The following PIK3R6 variants were observed in gnomAD, a reference collection of about 807,000 sequenced individuals.
PIK3R6 encodes the protein phosphoinositide-3-kinase regulatory subunit 6.
In PIK3R6, 91 loss-of-function variants were observed where a neutral mutation model predicts 84.9. That is an observed-to-expected ratio of 1.07 (90% confidence interval 0.90 to 1.28). The LOEUF (loss-of-function observed/expected upper bound fraction) is 1.28, where lower values mean the gene tolerates loss of function less well. PIK3R6 is among the 50% of genes most tolerant of loss of function. The pLI is 0.00. For missense variants in PIK3R6, 996 were observed against 985.1 expected, an observed-to-expected ratio of 1.01 and a Z score of -0.15; for synonymous variants, 416 against 411.4, an observed-to-expected ratio of 1.01 and a Z score of -0.13.
At chr17:8,851,452 G>C (rs768754794) in intron 1 of PIK3R6, among the ~76,000 whole-genome samples, 7 of 152,114 alleles carry the variant, frequency 4.6e-5, no homozygotes, top group Non-Finnish European at 8.8e-5. Context: ...AGCCGAGATC[G>C]CGCCACTGCA....
Position 8,839,635 on chromosome 17 carries a change from G to T in PIK3R6, c.76C>A (p.Pro26Thr). ...AVLRELSTQA[P>T]ALQSNQGMWR... Reference sequence around the variant, plus strand: ...TTACCTTGGTTGCTCTGCAGGGCAGGGGCCTGGGTGCTGAGCTCCCGGAGC... The same window carrying T: ...TTACCTTGGTTGCTCTGCAGGGCAGTGGCCTGGGTGCTGAGCTCCCGGAGC... The change falls in exon 3 of 20, where the codon CCT (proline) becomes ACT (threonine). Residue 26 changes from proline (P) to threonine (T), a missense_variant. Coordinates refer to ENST00000619866, the MANE Select transcript of PIK3R6 (RefSeq NM_001010855.4). This position sits in a 1 kb window ranked among gnomAD's most constrained non-coding sequence, Gnocchi z 4.2. The T allele has an allele frequency of 1.3e-6, 2 of 1,576,006 alleles. No individual in the cohort carries two copies. The highest frequency in any genetic ancestry group is 2.3e-5 in the East Asian group (1 of 43,122).
intron 18 of PIK3R6, among the ~76,000 whole-genome samples, 163 bp from the exon 19 acceptor site, chr17:8,804,316 T>C (rs1474910813): frequency 1.3e-5 from 2 of 152,194 alleles, no homozygotes; most frequent in Non-Finnish European, 2.9e-5. Context: ...CACAAACTGC[T>C]TCTAGGCTGC....
In PIK3R6 at chr17:8,862,318, T is replaced by A. The variant is rs116319596; in HGVS notation, c.-92+5211A>T. Among the ~76,000 whole-genome samples the A allele has an allele frequency of 3.7e-3, 570 of 152,306 alleles. 1 individual carries two copies. Among genetic ancestry groups the A allele is most frequent in the African/African-American group, 0.013 (547 of 41,560 alleles). On this transcript the variant is annotated intron_variant, in intron 1 of 19. Transcript: ENST00000619866. The surrounding 1 kb of genome is among the most constrained non-coding windows in gnomAD (Gnocchi z 4.3). Reference sequence around the variant, plus strand: ...AAGGCCCTTGATAAATATGCTCGAATGAATGAATGTCAGGCACTCATATGA... The same window carrying A: ...AAGGCCCTTGATAAATATGCTCGAAAGAATGAATGTCAGGCACTCATATGA...
chr17:8,830,546 T>A (rs1452949551), intron 9 of PIK3R6, among the ~76,000 whole-genome samples: 2 of 152,216 alleles, frequency 1.3e-5, no homozygotes, highest in African/African-American at 4.8e-5. Flanking sequence ...ACTGAGCACC[T>A]ACTGCCTGCC....
At chr17:8,831,101 G>A (rs1477665774) in intron 9 of PIK3R6, among the ~76,000 whole-genome samples, 3 of 137,674 alleles carry the variant, frequency 2.2e-5, no homozygotes, top group Non-Finnish European at 4.6e-5. Context: ...AGCGGAGATT[G>A]AGCCACTGCA....
intron 14 of PIK3R6, 56 bp from the exon 15 acceptor site, chr17:8,823,142 C>T: frequency 7.3e-7 from 1 of 1,367,572 alleles, no homozygotes; most frequent in Admixed American, 1.7e-5. Context: ...ATCACTCTAT[C>T]CCTGATTTCC....
chr17:8,853,328 AC>A (rs2089027026), intron 1 of PIK3R6, among the ~76,000 whole-genome samples: 1 of 149,950 alleles, frequency 6.7e-6, no homozygotes, highest in Admixed American at 6.6e-5. Context: ...TACTAAAAAT[AC>A]AAAAAATTAG....
intron 5 of PIK3R6, 134 bp from the exon 6 acceptor site, chr17:8,837,057 A>C (rs1372531687): frequency 4.4e-6 from 3 of 678,062 alleles, no homozygotes; most frequent in Non-Finnish European, 7.7e-6. Flanking sequence ...CCTAACAGCC[A>C]GACCTGGGCT....
At chr17:8,837,147 C>T (rs1276173030) in intron 5 of PIK3R6, among the ~76,000 whole-genome samples, 4 of 152,162 alleles carry the variant, frequency 2.6e-5, no homozygotes, top group African/African-American at 7.2e-5. Flanking sequence ...CCCGCCCCAA[C>T]TTACCAAGAT....
intron 18 of PIK3R6, among the ~76,000 whole-genome samples, chr17:8,811,329 T>C (rs1282114816): frequency 2.0e-5 from 3 of 148,272 alleles, no homozygotes; most frequent in African/African-American, 7.5e-5. Context: ...GGTCTCAGGG[T>C]CTGTGATGGG....
intron 18 of PIK3R6, among the ~76,000 whole-genome samples, chr17:8,808,337 G>T (rs1335305724): frequency 6.6e-6 from 1 of 151,910 alleles, no homozygotes; most frequent in East Asian, 2.0e-4. Context: ...TGTGGAACCT[G>T]CACATACAAA....
intron 6 of PIK3R6, 51 bp from the exon 7 acceptor site, chr17:8,836,667 T>C (rs548473942): frequency 3.3e-5 from 53 of 1,613,142 alleles, no homozygotes; most frequent in Middle Eastern, 1.6e-4. Flanking sequence ...CTGACTCCCA[T>C]TCTCCACCTT....
rs189158746 is a variant in PIK3R6, at chr17:8,838,133, C to T, written c.190-262G>A. Among the ~76,000 whole-genome samples, 68 of 152,200 alleles carry T rather than the reference C, an allele frequency of 4.5e-4. No individual in the cohort carries two copies. The East Asian group carries it at 0.011, about 25-fold the overall frequency. On this transcript the variant is annotated intron_variant, in intron 4 of 19. Coordinates refer to ENST00000619866, the MANE Select transcript of PIK3R6 (RefSeq NM_001010855.4). ...GGCCAAATTTAATTAGGGTAGGAGTCGCAGCAAAGCAACAAACAAGTCCTC... is the reference window on the plus strand; with the variant it reads ...GGCCAAATTTAATTAGGGTAGGAGTTGCAGCAAAGCAACAAACAAGTCCTC...
intron 2 of PIK3R6, among the ~76,000 whole-genome samples, chr17:8,843,307 C>T (rs988761607): frequency 6.7e-6 from 1 of 148,962 alleles, no homozygotes; most frequent in Non-Finnish European, 1.5e-5. Flanking sequence ...CCCTTCCTTC[C>T]TTTCTTTTTT....
At chr17:8,838,524 CT>C (rs1218272713) in intron 4 of PIK3R6, 39 bp downstream of exon 4, 1 of 1,552,456 alleles carries the variant, frequency 6.4e-7, no homozygotes, top group African/African-American at 1.4e-5. Flanking sequence ...CCCTCTCTTC[CT>C]TTCATCCCCG....
intron 3 of PIK3R6, among the ~76,000 whole-genome samples, chr17:8,838,907 G>A (rs1452489137): frequency 6.6e-6 from 1 of 152,164 alleles, no homozygotes; most frequent in Non-Finnish European, 1.5e-5. Context: ...CACCAGTGGG[G>A]ACAGGTGTGT....
rs559969033 is a variant in PIK3R6, at chr17:8,866,490, C to T, written c.-92+1039G>A. ...CCAGGAGACGGAGGTTGCAGTGAGC[C>T]GAGATCGCACCACTACACTCCAGCC... is the stretch of plus-strand genomic sequence containing the variant. On this transcript the variant is annotated intron_variant, in intron 1 of 19. Transcript: ENST00000619866. Among the ~76,000 whole-genome samples the T allele has an allele frequency of 3.3e-5, 5 of 152,198 alleles. No individual in the cohort carries two copies. In the East Asian group the frequency reaches 7.7e-4, roughly 24 times the overall value.
Position 8,864,607 on chromosome 17 carries a change from G to A in PIK3R6, c.-92+2922C>T, listed in dbSNP as rs144805558. 1.2e-3 allele frequency among the ~76,000 whole-genome samples: 148 copies of A among 126,202 alleles called. 1 individual carries two copies. Among genetic ancestry groups the A allele is most frequent in the African/African-American group, 4.1e-3 (130 of 32,002 alleles). The allele number at this position is 126,202 out of a possible 152,430, so 82.8% of individuals were successfully genotyped here. Reference sequence around the variant, plus strand: ...GACTGGAGTGCAGTGGCGCAATCTCGTCTCACTGCAACCTCTGCCTACTGG... The same window carrying A: ...GACTGGAGTGCAGTGGCGCAATCTCATCTCACTGCAACCTCTGCCTACTGG... On this transcript the variant is annotated intron_variant, in intron 1 of 19. Coordinates refer to ENST00000619866, the MANE Select transcript of PIK3R6 (RefSeq NM_001010855.4).
chr17:8,810,664 G>A (rs2087332053), intron 18 of PIK3R6, among the ~76,000 whole-genome samples: 1 of 148,278 alleles, frequency 6.7e-6, no homozygotes, highest in Non-Finnish European at 1.5e-5. Context: ...GGGGCTACAG[G>A]CCCCATGCAA....
Sources: allele counts gnomAD v4.1 joint callset (sites outside exome capture counted in the v4.1 genomes callset), GRCh38; gene constraint gnomAD v4.1.1; non-coding constraint Gnocchi (gnomAD v3.1); transcripts MANE v1.5; gene names NCBI Gene and HGNC (gene_info 2026-07-23, HGNC 2026-07-21).